The following WDR41 variants were observed in gnomAD, a reference collection of about 807,000 sequenced individuals.
The protein encoded by WDR41 is WD repeat domain 41.
In WDR41, 63 loss-of-function variants were observed where a neutral mutation model predicts 69.3. That is an observed-to-expected ratio of 0.91 (90% CI 0.74 to 1.12). WDR41 has a LOEUF of 1.12. Ranked by LOEUF, WDR41 falls within the 50% of genes most tolerant of loss-of-function variation. WDR41 has a pLI of 0.00. For missense variants in WDR41, 543 were observed against 534.5 expected, an observed-to-expected ratio of 1.02 and a Z score of -0.16; for synonymous variants, 185 against 192.1, an observed-to-expected ratio of 0.96 and a Z score of 0.31.
At chr5:77,585,637 G>A (rs1170223755) in intron 1 of WDR41, among the ~76,000 whole-genome samples, 4 of 152,250 alleles carry the variant, frequency 2.6e-5, no homozygotes, top group Non-Finnish European at 4.4e-5. Context: ...GGAATACCAC[G>A]CAGCCATAAA....
At chr5:77,449,967 A>C (rs1581705606) in intron 7 of WDR41, 97 bp from the exon 8 acceptor site, 1 of 791,866 alleles carries the variant, frequency 1.3e-6, no homozygotes. Context: ...AGTGAAAAAT[A>C]CCTACCATAC....
chr5:77,511,291 G>A (rs540068640), intron 1 of WDR41, among the ~76,000 whole-genome samples: 2 of 152,182 alleles, frequency 1.3e-5, no homozygotes, highest in Non-Finnish European at 1.5e-5. Flanking sequence ...ATTATCCTGT[G>A]CTCTTATTCA....
Position 77,449,752 on chromosome 5 carries a change from G to A in WDR41, c.697+8C>T, listed in dbSNP as rs1799547122. The A allele has an allele frequency of 6.3e-7, 1 of 1,579,736 alleles. No homozygotes were observed. Among genetic ancestry groups the A allele is most frequent in the Non-Finnish European group, 8.7e-7 (1 of 1,149,386 alleles). On this transcript the variant is annotated splice_region_variant and intron_variant, in intron 8 of 12. Coordinates refer to ENST00000296679, the MANE Select transcript of WDR41 (RefSeq NM_018268.4). Reference sequence around the variant, plus strand: ...ACTGTACATAATAAATGTACACAATGAGCTTACCATTGACATTAATCAATG... The same window carrying A: ...ACTGTACATAATAAATGTACACAATAAGCTTACCATTGACATTAATCAATG...
chr5:77,476,436 A>G (rs1476571197), intron 2 of WDR41, among the ~76,000 whole-genome samples: 1 of 152,130 alleles, frequency 6.6e-6, no homozygotes, highest in Admixed American at 6.5e-5. Context: ...AGGTCGGGTT[A>G]CCCTCAAAGG....
At chr5:77,582,798 A>C (rs1208250669) in intron 1 of WDR41, 1 of 1,601,094 alleles carries the variant, frequency 6.2e-7, no homozygotes, top group Non-Finnish European at 8.5e-7. Flanking sequence ...CATATATAGC[A>C]TGGGGGTACC....
chr5:77,439,257 C>T (rs2151289332), intron 9 of WDR41, among the ~76,000 whole-genome samples: 1 of 152,268 alleles, frequency 6.6e-6, no homozygotes, highest in Non-Finnish European at 1.5e-5. Context: ...TTGTTTTCAC[C>T]AGAGATTCTG....
intron 1 of WDR41, among the ~76,000 whole-genome samples, chr5:77,544,300 A>G (rs1743148932): frequency 6.6e-6 from 1 of 152,136 alleles, no homozygotes; most frequent in Non-Finnish European, 1.5e-5. Context: ...TAGCACAATG[A>G]ATGGAATGGT....
chr5:77,538,194 C>G (rs2112219540), intron 1 of WDR41, among the ~76,000 whole-genome samples: 1 of 152,236 alleles, frequency 6.6e-6, no homozygotes, highest in South Asian at 2.1e-4. Flanking sequence ...TGAGAACATG[C>G]AATATTAATC....
Position 77,510,400 on chromosome 5 carries a change from G to T in WDR41, c.43-20828C>A, listed in dbSNP as rs148850818. 3.4e-3 allele frequency among the ~76,000 whole-genome samples: 524 copies of T among 152,274 alleles called. 4 individuals are homozygous for T. The highest frequency in any genetic ancestry group is 0.012 in the African/African-American group (493 of 41,542). Reference sequence around the variant, plus strand: ...GGGAGCTACAAGATGAGATTTGGGTGGGGACACAGAGCCAAACCATATCAC... The same window carrying T: ...GGGAGCTACAAGATGAGATTTGGGTTGGGACACAGAGCCAAACCATATCAC... On this transcript the variant is annotated intron_variant, in intron 1 of 5. Transcript: ENST00000509971.
intron 1 of WDR41, among the ~76,000 whole-genome samples, chr5:77,577,179 T>C (rs1743850315): frequency 6.6e-6 from 1 of 152,158 alleles, no homozygotes; most frequent in African/African-American, 2.4e-5. Context: ...CATATGTCAC[T>C]TTTAGGTCAA....
At chr5:77,521,180 A>T (rs1234289740) in intron 1 of WDR41, among the ~76,000 whole-genome samples, 1 of 151,374 alleles carries the variant, frequency 6.6e-6, no homozygotes, top group Non-Finnish European at 1.5e-5. Flanking sequence ...TGGGTGGGGG[A>T]TGATTTGGGG....
intron 8 of WDR41, among the ~76,000 whole-genome samples, chr5:77,444,448 G>T (rs921993783): frequency 1.3e-5 from 2 of 152,244 alleles, no homozygotes; most frequent in African/African-American, 2.4e-5. Context: ...CTTCTGCCTG[G>T]AGAGATTATC....
chr5:77,478,125 G>A (rs955291628), intron 2 of WDR41, among the ~76,000 whole-genome samples: 5 of 152,124 alleles, frequency 3.3e-5, no homozygotes, highest in African/African-American at 1.2e-4. Context: ...ACTAAACCAG[G>A]AAGAAGTTCA....
chr5:77,614,608 G>A (rs1339973895), intron 1 of WDR41, among the ~76,000 whole-genome samples: 2 of 133,268 alleles, frequency 1.5e-5, no homozygotes, highest in African/African-American at 5.6e-5. Flanking sequence ...AGAACACATG[G>A]ACACAGGAAG....
At chr5:77,590,082 A>G (rs1232721802) in intron 1 of WDR41, among the ~76,000 whole-genome samples, 1 of 152,130 alleles carries the variant, frequency 6.6e-6, no homozygotes, top group South Asian at 2.1e-4. Context: ...AACCATATGG[A>G]GGAGGTTTTT....
At chr5:77,461,125 T>TA (rs1470034354) in intron 4 of WDR41, among the ~76,000 whole-genome samples, 2 of 152,192 alleles carry the variant, frequency 1.3e-5, no homozygotes, top group East Asian at 1.9e-4. Flanking sequence ...AGTGGTCTAA[T>TA]AGAGTATTTT....
chr5:77,540,067 C>T (rs1655111364), intron 1 of WDR41, among the ~76,000 whole-genome samples: 1 of 152,102 alleles, frequency 6.6e-6, no homozygotes, highest in African/African-American at 2.4e-5. Context: ...CTTTCCTCAA[C>T]CCAGTGAAGG....
At chr5:77,455,449 TTTCA>T (rs768786214) in intron 5 of WDR41, among the ~76,000 whole-genome samples, 5 of 152,196 alleles carry the variant, frequency 3.3e-5, no homozygotes, top group Non-Finnish European at 5.9e-5. Context: ...CACAAAAACT[TTTCA>T]TTCTGATGAG....
At chr5:77,476,454 A>G (rs1800936562) in intron 2 of WDR41, among the ~76,000 whole-genome samples, 1 of 152,218 alleles carries the variant, frequency 6.6e-6, no homozygotes, top group African/African-American at 2.4e-5. Context: ...AGGGAAGCCC[A>G]TCAGACTCAC....
Sources: gnomAD v4.1 joint callset for allele counts (sites outside exome capture counted in the v4.1 genomes callset) on GRCh38, gnomAD v4.1.1 for gene constraint, MANE v1.5 for transcripts, NCBI Gene and HGNC (gene_info 2026-07-23, HGNC 2026-07-21) for gene names.